SEMA3E: variants seen among roughly 807,000 people sequenced by gnomAD.
SEMA3E encodes the protein semaphorin-3E.
In SEMA3E, 49 loss-of-function variants were observed where a neutral mutation model predicts 93.6. The observed-to-expected ratio is 0.52, with a 90% CI of 0.42 to 0.66. SEMA3E has a LOEUF of 0.66. Ranked by LOEUF, SEMA3E falls within the 30% of genes least tolerant of loss-of-function variation. The pLI is 0.00. For synonymous variants in SEMA3E, 363 were observed against 330.7 expected, an observed-to-expected ratio of 1.10 and a Z score of -1.06; for missense variants, 906 against 964.8, an observed-to-expected ratio of 0.94 and a Z score of 0.81.
chr7:83,400,117 T>G lies in SEMA3E; in HGVS notation c.1277A>C (p.Lys426Thr). The change falls in exon 11 of 17, where the codon AAA becomes ACA. Residue 426 changes from lysine (K) to threonine (T), a missense_variant. Lys to Thr is a moderately conservative substitution (Grantham distance 78, BLOSUM62 -1). Transcript: ENST00000643230. ...TTTCAGGTTATATTTTCCATCTGTT[T>G]TTACCAATATTGGTTTTTTATGGGC... is the stretch of plus-strand genomic sequence containing the variant. ...KPAHKKPILV[K>T]TDGKYNLKQI... 1 of 1,614,040 alleles carries G rather than the reference T, an allele frequency of 6.2e-7. No individual in the cohort carries two copies. Among genetic ancestry groups the G allele is most frequent in the Non-Finnish European group, 8.5e-7 (1 of 1,179,982 alleles).
In SEMA3E at chr7:83,625,810, T is replaced by C. The variant is rs546368076; in HGVS notation, c.115+22618A>G. Among the ~76,000 whole-genome samples, 3 of 152,140 alleles carry C rather than the reference T, an allele frequency of 2.0e-5. No individual in the cohort carries two copies. The South Asian group carries it at 6.2e-4, about 32-fold the overall frequency. On this transcript the variant is annotated intron_variant, in intron 1 of 16. Coordinates refer to ENST00000643230, the MANE Select transcript of SEMA3E (RefSeq NM_012431.3). ...ATTTTCAAAGGGAATGCTTCCAGCTTTTGCCCATCCATGATGATACTGGCT... is the reference window on the plus strand; with the variant it reads ...ATTTTCAAAGGGAATGCTTCCAGCTCTTGCCCATCCATGATGATACTGGCT...
chr7:83,419,638 T>C (rs949141301), intron 4 of SEMA3E, among the ~76,000 whole-genome samples: 8 of 152,162 alleles, frequency 5.3e-5, no homozygotes, highest in East Asian at 1.9e-4. Context: ...TGGTGTGAGA[T>C]GATACCTCAT....
At chr7:83,617,449 T>A (rs866536518) in intron 1 of SEMA3E, among the ~76,000 whole-genome samples, 2 of 127,972 alleles carry the variant, frequency 1.6e-5, no homozygotes, top group African/African-American at 2.8e-5. Context: ...TATATAAATT[T>A]TATATAAATA....
intron 1 of SEMA3E, among the ~76,000 whole-genome samples, chr7:83,645,719 TTC>T (rs57724559): frequency 0.054 from 7,935 of 146,282 alleles, 212 homozygotes; most frequent in Non-Finnish European, 0.063. Context: ...CCTTGTCTCC[TTC>T]TCTCTCTCTC....
At chr7:83,606,020 C>T (rs1239706338) in intron 1 of SEMA3E, among the ~76,000 whole-genome samples, 1 of 152,144 alleles carries the variant, frequency 6.6e-6, no homozygotes, top group Non-Finnish European at 1.5e-5. Context: ...GAGATCTTTG[C>T]CCACATCTCA....
At chr7:83,458,949 GTA>G (rs572233832) in intron 4 of SEMA3E, among the ~76,000 whole-genome samples, 1,475 of 86,558 alleles carry the variant, frequency 0.017, 17 homozygotes, top group Admixed American at 0.047. Context: ...ATACACATAT[GTA>G]TATGTGTGTG....
intron 4 of SEMA3E, 49 bp downstream of exon 4, chr7:83,466,433 G>T (rs375577924): frequency 9.5e-5 from 153 of 1,603,766 alleles, no homozygotes; most frequent in Middle Eastern, 3.3e-4. Flanking sequence ...TGAGAACAAG[G>T]TTGTTTTAAG....
intron 2 of SEMA3E, among the ~76,000 whole-genome samples, chr7:83,482,561 T>C (rs543558117): frequency 0.016 from 751 of 47,050 alleles, 9 homozygotes; most frequent in African/African-American, 0.056. Context: ...CCACACTCCG[T>C]CTCAAAAAAA....
rs55658764 is a variant in SEMA3E, at chr7:83,648,270, A to T, written c.115+158T>A. ...TGAGTATGACACATTAATCAGAGGT[A>T]CTTAGAATTTTAGGTCAGTTTTGCA... On this transcript the variant is annotated intron_variant, in intron 1 of 16. Coordinates refer to ENST00000643230, the MANE Select transcript of SEMA3E (RefSeq NM_012431.3). 0.13 allele frequency among the ~76,000 whole-genome samples: 19,353 copies of T among 152,064 alleles called. 1,304 individuals carry two copies. Among genetic ancestry groups the T allele is most frequent in the South Asian group, 0.18 (856 of 4,810 alleles).
intron 4 of SEMA3E, among the ~76,000 whole-genome samples, chr7:83,443,485 C>G (rs1463521995): frequency 6.6e-6 from 1 of 152,098 alleles, no homozygotes; most frequent in African/African-American, 2.4e-5. Flanking sequence ...TTGAGTTAAG[C>G]AAAGGTTTAT....
chr7:83,389,390 T>C (rs528828858), intron 14 of SEMA3E, among the ~76,000 whole-genome samples: 1 of 125,162 alleles, frequency 8.0e-6, no homozygotes, highest in East Asian at 2.7e-4. Context: ...TAAAGATTAT[T>C]ATACAAGTGA....
chr7:83,485,244 G>A (rs2044278648), intron 2 of SEMA3E, among the ~76,000 whole-genome samples: 1 of 152,174 alleles, frequency 6.6e-6, no homozygotes, highest in African/African-American at 2.4e-5. Flanking sequence ...ATATTACACA[G>A]AATACAGAGT....
chr7:83,627,552 G>A (rs1012801986), intron 1 of SEMA3E, among the ~76,000 whole-genome samples: 3 of 148,672 alleles, frequency 2.0e-5, no homozygotes, highest in South Asian at 2.2e-4. Flanking sequence ...TTACCATTAT[G>A]TAATGCCCTT....
chr7:83,392,078 A>G (rs1470423171), intron 14 of SEMA3E, among the ~76,000 whole-genome samples: 2 of 152,116 alleles, frequency 1.3e-5, no homozygotes, highest in African/African-American at 2.4e-5. Context: ...ACAGAATTGT[A>G]GGCATTGGAG....
At chr7:83,631,510 T>C (rs894572923) in intron 1 of SEMA3E, among the ~76,000 whole-genome samples, 1 of 152,218 alleles carries the variant, frequency 6.6e-6, no homozygotes, top group Non-Finnish European at 1.5e-5. Flanking sequence ...ACTTTTACCA[T>C]TTTAACTAGC....
chr7:83,529,291 AT>A (rs927574126), intron 1 of SEMA3E, among the ~76,000 whole-genome samples: 16 of 152,180 alleles, frequency 1.1e-4, no homozygotes, highest in African/African-American at 3.9e-4. Context: ...GTGTTAATAC[AT>A]TTGTCCTAGT....
In SEMA3E at chr7:83,645,647, T is replaced by C. The variant is rs139674796; in HGVS notation, c.115+2781A>G. The stretch of plus-strand genomic sequence containing the variant: ...GAGAGAGGGATTCAATATTACCCCA[T>C]TGGGGCACAAGGCAGTAGGAAATCA... On this transcript the variant is annotated intron_variant, in intron 1 of 16. Transcript: ENST00000643230. 3.9e-3 allele frequency among the ~76,000 whole-genome samples: 593 copies of C among 151,822 alleles called. 4 individuals carry two copies. Among genetic ancestry groups the C allele is most frequent in the East Asian group, 0.032 (162 of 5,140 alleles).
At chr7:83,635,881 C>CAAA (rs5885371) in intron 1 of SEMA3E, among the ~76,000 whole-genome samples, 4 of 139,636 alleles carry the variant, frequency 2.9e-5, no homozygotes, top group African/African-American at 7.7e-5. Flanking sequence ...GACAGACTGA[C>CAAA]AAAAAAAAAA....
At chr7:83,384,937 C>T (rs1327605997) in intron 16 of SEMA3E, among the ~76,000 whole-genome samples, 3 of 151,904 alleles carry the variant, frequency 2.0e-5, no homozygotes, top group Non-Finnish European at 2.9e-5. Flanking sequence ...TATTTCTCTA[C>T]AACACTGCCT....
Sources: allele counts gnomAD v4.1 joint callset (sites outside exome capture counted in the v4.1 genomes callset), GRCh38; gene constraint gnomAD v4.1.1; transcripts MANE v1.5; gene names NCBI Gene and HGNC (gene_info 2026-07-23, HGNC 2026-07-21).